Variants in DDR2 observed in about 807,000 individuals in gnomAD.
DDR2 encodes discoidin domain-containing receptor 2.
DDR2 carries 27 observed loss-of-function variants against 94.9 expected under a neutral mutation model. That is an observed-to-expected ratio of 0.28 (90% CI 0.21 to 0.39). DDR2 has a LOEUF of 0.39. Ranked by LOEUF, DDR2 falls within the 10% of genes least tolerant of loss-of-function variation. The probability of loss-of-function intolerance (pLI) is 1.00; values close to 1 mark genes in which losing one functional copy is unlikely to be tolerated. For synonymous variants in DDR2, 382 were observed against 377.2 expected, an observed-to-expected ratio of 1.01 and a Z score of -0.15; for missense variants, 783 against 1,076.0, an observed-to-expected ratio of 0.73 and a Z score of 3.81.
Position 162,761,275 on chromosome 1 carries a change from G to A in DDR2, c.920G>A (p.Arg307His), listed in dbSNP as rs747307320. 2.0e-5 allele frequency: 32 copies of A among 1,613,996 alleles called. No homozygotes were observed. The highest frequency in any genetic ancestry group is 1.2e-4 in the South Asian group (11 of 91,080). ...KIFKEVQCYF[R>H]SEASEWEPNA... Reference sequence around the variant, plus strand: ...TTTAAGGAGGTACAGTGCTACTTCCGCTCTGAAGCCAGTGAGTGGGAACCT... The same window carrying A: ...TTTAAGGAGGTACAGTGCTACTTCCACTCTGAAGCCAGTGAGTGGGAACCT... The change falls in exon 9 of 18, where the codon CGC becomes CAC. Residue 307 changes from arginine to histidine, a missense_variant. By Grantham distance (29) the Arg-to-His change is conservative. Coordinates refer to ENST00000367921, the MANE Select transcript of DDR2 (RefSeq NM_006182.4).
chr1:162,709,316 G>A (rs1660791463), intron 2 of DDR2, among the ~76,000 whole-genome samples: 2 of 152,206 alleles, frequency 1.3e-5, no homozygotes, highest in South Asian at 4.1e-4. Context: ...CCTAAAGAAG[G>A]TATGGGTGGC....
intron 1 of DDR2, among the ~76,000 whole-genome samples, chr1:162,638,056 T>C (rs1049538153): frequency 2.0e-5 from 3 of 152,194 alleles, no homozygotes; most frequent in Admixed American, 1.3e-4. Context: ...AGTCTCACTC[T>C]GTCACCCAGG....
At chr1:162,686,720 T>A (rs1451659242) in intron 2 of DDR2, among the ~76,000 whole-genome samples, 3 of 152,186 alleles carry the variant, frequency 2.0e-5, no homozygotes, top group Admixed American at 2.0e-4. Flanking sequence ...TATAATCCTT[T>A]CGATATATAC....
chr1:162,688,832 C>A (rs1659818983), intron 2 of DDR2, among the ~76,000 whole-genome samples: 2 of 152,148 alleles, frequency 1.3e-5, no homozygotes, highest in Non-Finnish European at 2.9e-5. Flanking sequence ...TGCTCAGCTC[C>A]CAGTGTGTCC....
At chr1:162,768,559 T>C (rs1312136590) in intron 11 of DDR2, among the ~76,000 whole-genome samples, 2 of 152,160 alleles carry the variant, frequency 1.3e-5, no homozygotes, top group Non-Finnish European at 1.5e-5. Flanking sequence ...ACCATGAGAA[T>C]GGGCTTGAGT....
At chr1:162,635,116 C>T (rs1314285152) in intron 1 of DDR2, among the ~76,000 whole-genome samples, 3 of 152,290 alleles carry the variant, frequency 2.0e-5, no homozygotes, top group South Asian at 4.2e-4. Flanking sequence ...AACAGAGTCT[C>T]CATGTCCAAG....
intron 7 of DDR2, 130 bp from the exon 8 acceptor site, chr1:162,759,666 A>T: frequency 9.6e-7 from 1 of 1,037,590 alleles, no homozygotes; most frequent in Non-Finnish European, 1.4e-6. Flanking sequence ...ATTATTTACA[A>T]TCCTTCAATT....
intron 2 of DDR2, among the ~76,000 whole-genome samples, chr1:162,705,991 A>G (rs561144609): frequency 1.3e-5 from 2 of 152,326 alleles, no homozygotes; most frequent in East Asian, 3.9e-4. Context: ...ACACATACAC[A>G]CTAACACAAT....
At chr1:162,769,368 A>T (rs1167497061) in intron 11 of DDR2, among the ~76,000 whole-genome samples, 1 of 152,206 alleles carries the variant, frequency 6.6e-6, no homozygotes, top group Non-Finnish European at 1.5e-5. Flanking sequence ...ACATTACTTA[A>T]CATAGCTGTA....
chr1:162,693,452 A>T (rs1210098906), intron 2 of DDR2, among the ~76,000 whole-genome samples: 2 of 152,206 alleles, frequency 1.3e-5, no homozygotes, highest in Non-Finnish European at 2.9e-5. Flanking sequence ...TTATTCATCA[A>T]ACAAAGACAT....
intron 3 of DDR2, among the ~76,000 whole-genome samples, chr1:162,750,102 C>G (rs1199760581): frequency 6.6e-6 from 1 of 152,180 alleles, no homozygotes; most frequent in Non-Finnish European, 1.5e-5. Context: ...GATGCCCTCT[C>G]TCACCACTCC....
At chr1:162,653,981 T>C (rs1657834102) in intron 1 of DDR2, among the ~76,000 whole-genome samples, 1 of 152,146 alleles carries the variant, frequency 6.6e-6, no homozygotes, top group Non-Finnish European at 1.5e-5. Context: ...ACTGTGGCAC[T>C]GTATATTGTT....
In DDR2 at chr1:162,780,422, T is replaced by TCC. The variant is rs1647837838; in HGVS notation, c.*176_*177insCC. 2.1e-3 allele frequency: 8 copies of TCC among 3,780 alleles called. 1 individual carries two copies. Among genetic ancestry groups the TCC allele is most frequent in the Non-Finnish European group, 6.2e-3 (8 of 1,284 alleles). 0.2% of individuals were successfully genotyped at this position (3,780 alleles called of 1,614,324 possible). A position where few individuals can be genotyped will look rare whatever the true frequency, so the allele number is the denominator to read the frequency against. ...TCCCTACCCCTGACTCATATACACT[T>TCC]TTTTTTTTTTTTACATTAAAGAACT... On this transcript the variant is annotated 3_prime_UTR_variant, in exon 18 of 18. Transcript: ENST00000367921.
Position 162,780,442 on chromosome 1 carries a change from A to G in DDR2, c.*196A>G, listed in dbSNP as rs1207916453. ...ACACTTTTTTTTTTTTTTACATTAA[A>G]GAACTAAAAAAGGAAAAAAAAAAGC... On this transcript the variant is annotated 3_prime_UTR_variant, in exon 18 of 18. Coordinates refer to ENST00000367921, the MANE Select transcript of DDR2 (RefSeq NM_006182.4). The G allele has an allele frequency of 5.6e-6, 4 of 710,954 alleles. No homozygotes were observed. In the East Asian group the frequency reaches 8.5e-5, roughly 15 times the overall value. The allele number at this position is 710,954 out of a possible 1,614,324, so 44.0% of individuals were successfully genotyped here. A position where few individuals can be genotyped will look rare whatever the true frequency, so the allele number is the denominator to read the frequency against.
intron 2 of DDR2, among the ~76,000 whole-genome samples, chr1:162,718,142 G>A (rs1661252274): frequency 6.6e-6 from 1 of 152,102 alleles, no homozygotes; most frequent in African/African-American, 2.4e-5. Flanking sequence ...TTTGAGGGGA[G>A]GAACTCATTA....
chr1:162,758,378 T>C (rs1447842370), intron 7 of DDR2, among the ~76,000 whole-genome samples: 1 of 152,194 alleles, frequency 6.6e-6, no homozygotes, highest in Non-Finnish European at 1.5e-5. Flanking sequence ...CTGGTGATTT[T>C]AATAACTCTA....
At chr1:162,774,142 T>C (rs1647393183) in intron 14 of DDR2, among the ~76,000 whole-genome samples, 1 of 152,242 alleles carries the variant, frequency 6.6e-6, no homozygotes, top group African/African-American at 2.4e-5. Flanking sequence ...CACAGTTCTC[T>C]AGCAGTTTTC....
intron 14 of DDR2, among the ~76,000 whole-genome samples, chr1:162,774,627 G>A (rs1647424297): frequency 6.6e-6 from 1 of 152,184 alleles, no homozygotes; most frequent in Admixed American, 6.5e-5. Context: ...CTTAGCACAT[G>A]ATTGGAGAAA....
At chr1:162,750,061 G>A (rs1663102874) in intron 3 of DDR2, among the ~76,000 whole-genome samples, 1 of 152,286 alleles carries the variant, frequency 6.6e-6, no homozygotes, top group East Asian at 1.9e-4. Flanking sequence ...AAAACTGGAA[G>A]CATTCCCTTT....
Sources: gnomAD v4.1 joint callset for allele counts (sites outside exome capture counted in the v4.1 genomes callset) on GRCh38, gnomAD v4.1.1 for gene constraint, MANE v1.5 for transcripts, NCBI Gene and HGNC (gene_info 2026-07-23, HGNC 2026-07-21) for gene names.